SLC29A3: variants seen among roughly 807,000 people sequenced by gnomAD.
SLC29A3 encodes the protein equilibrative nucleoside transporter 3.
SLC29A3 carries 18 observed loss-of-function variants against 25.4 expected under a neutral mutation model. That is an observed-to-expected ratio of 0.71 (90% CI 0.49 to 1.05). The LOEUF is 1.05. Among genes scored for constraint, SLC29A3 ranks in the 50% least tolerant of loss-of-function variants. SLC29A3 has a pLI of 0.00. For synonymous variants in SLC29A3, 258 were observed against 267.1 expected (o/e 0.97, Z 0.33); for missense variants, 586 against 609.0 (o/e 0.96, Z 0.40).
At chr10:71,324,668 G>A (rs1438284941) in intron 2 of SLC29A3, among the ~76,000 whole-genome samples, 1 of 152,172 alleles carries the variant, frequency 6.6e-6, no homozygotes, top group Non-Finnish European at 1.5e-5. Flanking sequence ...GGAGAGCTGG[G>A]TTCCACAAGG....
chr10:71,361,877 C>G, intron 5 of SLC29A3, 77 bp from the exon 6 acceptor site: 3 of 1,571,292 alleles, frequency 1.9e-6, no homozygotes, highest in South Asian at 2.2e-5. Flanking sequence ...AGGTTCTGTT[C>G]TGAGTGCCCA....
intron 5 of SLC29A3, among the ~76,000 whole-genome samples, chr10:71,360,789 G>A (rs1239722556): frequency 6.6e-6 from 1 of 152,224 alleles, no homozygotes; most frequent in African/African-American, 2.4e-5. Flanking sequence ...CAACCTAAGT[G>A]TCCATCAGTA....
intron 3 of SLC29A3, among the ~76,000 whole-genome samples, chr10:71,368,464 C>A (rs74144930): frequency 0.074 from 11,235 of 152,222 alleles, 553 homozygotes; most frequent in African/African-American, 0.13. Context: ...CTCGCCTGGC[C>A]CCCAGGCCTA....
At chr10:71,344,041 C>G (rs543920537) in intron 2 of SLC29A3, among the ~76,000 whole-genome samples, 168 bp from the exon 3 acceptor site, 6 of 152,266 alleles carry the variant, frequency 3.9e-5, no homozygotes, top group South Asian at 2.1e-4. Flanking sequence ...CGGTCTTAGG[C>G]TGGAGATGGG....
intron 3 of SLC29A3, among the ~76,000 whole-genome samples, chr10:71,375,145 A>G (rs1412036915): frequency 6.6e-6 from 1 of 152,186 alleles, no homozygotes. Context: ...TCCTGCTCTT[A>G]GATCCATTTG....
chr10:71,325,915 CTTTTTTTTTT>C (rs5786034), intron 2 of SLC29A3, among the ~76,000 whole-genome samples: 1 of 122,648 alleles, frequency 8.2e-6, no homozygotes, highest in African/African-American at 3.2e-5. Flanking sequence ...TATATTAGTA[CTTTTTTTTTT>C]TTTTTTTTTG....
downstream of SLC29A3, among the ~76,000 whole-genome samples, chr10:71,363,677 T>G (rs1404148107): frequency 6.6e-6 from 1 of 152,062 alleles, no homozygotes; most frequent in Non-Finnish European, 1.5e-5. Context: ...ATTACTATGT[T>G]GCTCAGCCTG....
chr10:71,346,020 G>A (rs1038533833), intron 3 of SLC29A3, among the ~76,000 whole-genome samples: 2 of 152,148 alleles, frequency 1.3e-5, no homozygotes, highest in Admixed American at 6.5e-5. Flanking sequence ...GTAATGCCTC[G>A]ATCACCCCTT....
At chr10:71,334,482 C>T (rs539811234) in intron 2 of SLC29A3, among the ~76,000 whole-genome samples, 1 of 152,334 alleles carries the variant, frequency 6.6e-6, no homozygotes, top group African/African-American at 2.4e-5. Flanking sequence ...TCACTGACCA[C>T]TGCCTGGCCT....
At chr10:71,323,446 G>A (rs1845898938) in intron 2 of SLC29A3, among the ~76,000 whole-genome samples, 3 of 152,356 alleles carry the variant, frequency 2.0e-5, no homozygotes, top group Admixed American at 6.5e-5. Flanking sequence ...TCATGGCCAA[G>A]GCCACCTCAT....
Position 71,362,182 on chromosome 10 carries a change from C to G in SLC29A3, c.1002C>G (p.Asn334Lys). The G allele has an allele frequency of 6.2e-7, 1 of 1,614,158 alleles. No homozygotes were observed. Residue 334 changes from asparagine to lysine, a missense_variant, in exon 6 of 6, where the codon AAC becomes AAG. Transcript: ENST00000373189. ...TCTGCACCAACATCGAGTCCCTCAA[C>G]AAGGGTTCGGGCTCACTGTGGACCA... is the stretch of plus-strand genomic sequence containing the variant. Reference protein sequence around the residue: ...PAICTNIESLNKGSGSLWTTK... With the variant: ...PAICTNIESLKKGSGSLWTTK...
downstream of SLC29A3, chr10:71,364,792 T>C (rs1847153660): frequency 6.6e-6 from 1 of 152,270 alleles, no homozygotes. Context: ...CTGAACTCGA[T>C]ACCTACCAAA....
intron 2 of SLC29A3, among the ~76,000 whole-genome samples, chr10:71,342,139 C>A (rs1846425460): frequency 6.6e-6 from 1 of 152,196 alleles, no homozygotes; most frequent in Admixed American, 6.5e-5. Context: ...GATCACGGGC[C>A]ACCTTAGAGT....
intron 4 of SLC29A3, among the ~76,000 whole-genome samples, chr10:71,354,460 G>A (rs1173660306): frequency 1.3e-5 from 2 of 152,180 alleles, no homozygotes; most frequent in Non-Finnish European, 2.9e-5. Context: ...TGGAGAGGCT[G>A]GGGAAAGGAT....
At chr10:71,321,728 G>A (rs190769889) in intron 1 of SLC29A3, among the ~76,000 whole-genome samples, 1 of 152,340 alleles carries the variant, frequency 6.6e-6, no homozygotes, top group African/African-American at 2.4e-5. Context: ...CAGAAATGTG[G>A]TAACTTGCCC....
At chr10:71,351,146 G>A (rs1846745652) in intron 3 of SLC29A3, among the ~76,000 whole-genome samples, 1 of 152,186 alleles carries the variant, frequency 6.6e-6, no homozygotes, top group Non-Finnish European at 1.5e-5. Context: ...AAGCCAGCAG[G>A]AGCTCAGCCC....
intron 2 of SLC29A3, among the ~76,000 whole-genome samples, chr10:71,337,400 A>G (rs1846280229): frequency 6.6e-6 from 1 of 152,256 alleles, no homozygotes; most frequent in African/African-American, 2.4e-5. Flanking sequence ...GAAAGCGGCA[A>G]GTTTGCAATG....
chr10:71,366,246 G>T (rs1847169922), downstream of SLC29A3: 1 of 152,214 alleles, frequency 6.6e-6, no homozygotes, highest in African/African-American at 2.4e-5. Flanking sequence ...TTGTGTTCTA[G>T]TGTTTTGTGA....
chr10:71,375,173 C>T (rs141908617), intron 3 of SLC29A3, among the ~76,000 whole-genome samples: 2 of 152,248 alleles, frequency 1.3e-5, no homozygotes, highest in Non-Finnish European at 2.9e-5. Context: ...TCCCACCTGC[C>T]CCACCGACCC....
Sources: gnomAD v4.1 joint callset for allele counts (sites outside exome capture counted in the v4.1 genomes callset) on GRCh38, gnomAD v4.1.1 for gene constraint, MANE v1.5 for transcripts, NCBI Gene and HGNC (gene_info 2026-07-23, HGNC 2026-07-21) for gene names.